Variants in FOXN1 observed in about 807,000 individuals in gnomAD.
FOXN1 encodes the protein forkhead box N1.
Under a neutral mutation model 49.0 loss-of-function variants are expected in FOXN1, and 15 were observed. The observed-to-expected ratio is 0.31, with a 90% CI of 0.20 to 0.47. The LOEUF (loss-of-function observed/expected upper bound fraction) is 0.47. Among genes scored for constraint, FOXN1 ranks in the 20% least tolerant of loss-of-function variants. The pLI is 1.00. For missense variants in FOXN1, 800 were observed against 842.8 expected (o/e 0.95, Z 0.63); for synonymous variants, 356 against 369.0 (o/e 0.96, Z 0.40).
rs1327528369 is a variant in FOXN1 at position 28,530,902 on chromosome 17, T to C, written c.927+57T>C. 5.1e-6 allele frequency: 5 copies of C among 974,638 alleles called. No individual in the cohort carries two copies. In the Admixed American group the frequency reaches 6.8e-5, roughly 13 times the overall value. The allele number at this position is 974,638 out of a possible 1,614,324, so 60.4% of individuals were successfully genotyped here. On this transcript the variant is annotated intron_variant, in intron 6 of 8. Coordinates refer to ENST00000579795, the MANE Select transcript of FOXN1 (RefSeq NM_001369369.1). ...CCCCAAGTCCTGGACAGGCCAGGCC[T>C]CTCTGAGCAGAGGCTTCTGTCTGGA...
intron 1 of FOXN1, among the ~76,000 whole-genome samples, chr17:28,508,373 G>A (rs2069311312): frequency 6.6e-6 from 1 of 152,210 alleles, no homozygotes; most frequent in East Asian, 1.9e-4. Context: ...AAGACAAGGG[G>A]GAAAGCCCAC....
chr17:28,508,080 C>G (rs1297501865), intron 1 of FOXN1, among the ~76,000 whole-genome samples: 1 of 152,168 alleles, frequency 6.6e-6, no homozygotes, highest in Non-Finnish European at 1.5e-5. Context: ...TGCCGAGGCA[C>G]GCTGCACCCC....
intron 1 of FOXN1, among the ~76,000 whole-genome samples, chr17:28,510,835 A>C (rs2069380587): frequency 6.6e-6 from 1 of 152,196 alleles, no homozygotes; most frequent in Non-Finnish European, 1.5e-5. Flanking sequence ...CAATCTGCCT[A>C]AAGTGGGAAG....
chr17:28,526,418 A>G (rs1214545666), intron 3 of FOXN1, among the ~76,000 whole-genome samples: 2 of 152,200 alleles, frequency 1.3e-5, no homozygotes, highest in Non-Finnish European at 2.9e-5. Flanking sequence ...CAGGAAGTGC[A>G]ATCCGCCTCC....
rs770510635 is a variant in FOXN1, at chr17:28,534,850, C to T, written c.1279C>T (p.His427Tyr). The T allele has an allele frequency of 5.0e-6, 8 of 1,613,912 alleles. No individual in the cohort carries two copies. The African/African-American group carries it at 5.3e-5, about 11-fold the overall frequency. ...AGLSPPLHSL[H>Y]PAPGPIPGKN... ...CCTCTCCCCACCACTGCACTCACTCCACCCAGCTCCAGGCCCCATTCCTGG... is the reference window on the plus strand; with the variant it reads ...CCTCTCCCCACCACTGCACTCACTCTACCCAGCTCCAGGCCCCATTCCTGG... Residue 427 changes from histidine to tyrosine, a missense_variant, in exon 8 of 9, where the codon CAC (histidine) becomes TAC (tyrosine). Coordinates refer to ENST00000579795, the MANE Select transcript of FOXN1 (RefSeq NM_001369369.1). This position sits in a 1 kb window ranked among gnomAD's most constrained non-coding sequence, Gnocchi z 4.1.
At chr17:28,529,353 G>A (rs2151492219) in intron 5 of FOXN1, 129 bp downstream of exon 5, 7 of 1,145,882 alleles carry the variant, frequency 6.1e-6, no homozygotes, top group South Asian at 3.8e-5. Context: ...TGGGCTTCCA[G>A]AAGATGCTGG....
intron 5 of FOXN1, among the ~76,000 whole-genome samples, 183 bp from the exon 6 acceptor site, chr17:28,530,566 G>A (rs1292656193): frequency 6.6e-6 from 1 of 152,234 alleles, no homozygotes. Context: ...AGGTTTCTCA[G>A]ATTCCACAAG....
chr17:28,512,457 AC>A (rs1555607154), intron 1 of FOXN1, among the ~76,000 whole-genome samples: 3 of 152,156 alleles, frequency 2.0e-5, no homozygotes, highest in Non-Finnish European at 4.4e-5. Context: ...GCCAGTTCTC[AC>A]CATCAGACTC....
Position 28,534,833 on chromosome 17 carries a change from C to T in FOXN1, c.1262C>T (p.Pro421Leu), listed in dbSNP as rs747637565. The change falls in exon 8 of 9, where the codon CCA becomes CTA. Residue 421 changes from proline to leucine, a missense_variant. Transcript: ENST00000579795. This position sits in a 1 kb window ranked among gnomAD's most constrained non-coding sequence, Gnocchi z 4.1. ...CTGGCACCCCCAGCTGGCCTCTCCC[C>T]ACCACTGCACTCACTCCACCCAGCT... is the stretch of plus-strand genomic sequence containing the variant. ...RPLAPPAGLS[P>L]PLHSLHPAPG... 2.8e-5 allele frequency: 45 copies of T among 1,613,850 alleles called. No homozygotes were observed. Among genetic ancestry groups the T allele is most frequent in the Non-Finnish European group, 3.6e-5 (43 of 1,179,840 alleles).
chr17:28,524,421 C>T, intron 2 of FOXN1, 82 bp from the exon 3 acceptor site: 4 of 1,243,144 alleles, frequency 3.2e-6, no homozygotes, highest in Non-Finnish European at 4.7e-6. Flanking sequence ...CCCCCTTTAC[C>T]CCAGAACAGA....
intron 4 of FOXN1, among the ~76,000 whole-genome samples, chr17:28,528,881 G>T (rs976526703): frequency 1.3e-5 from 2 of 152,232 alleles, no homozygotes; most frequent in Non-Finnish European, 1.5e-5. Flanking sequence ...GCTGGAGGAA[G>T]AGGGTTTTAA....
At position 28,524,711 on chromosome 17, in the gene FOXN1, G is replaced by A. The variant is rs772403336; in HGVS notation, c.332G>A (p.Ser111Asn). The A allele has an allele frequency of 9.9e-6, 16 of 1,612,510 alleles. No homozygotes were observed. In the Admixed American group the frequency reaches 2.7e-4, roughly 27 times the overall value. The change falls in exon 3 of 9, where the codon AGC becomes AAC. Residue 111 changes from serine (S) to asparagine (N), a missense_variant. Physicochemically the swap from Ser to Asn is conservative, Grantham distance 46 (BLOSUM62 1). Coordinates refer to ENST00000579795, the MANE Select transcript of FOXN1 (RefSeq NM_001369369.1). ...GFGFEEAAAS[S>N]PGRFLKGSHA... is the part of the protein sequence containing the mutation. Reference sequence around the variant, plus strand: ...GGCTTTGAGGAGGCCGCAGCAAGCAGCCCTGGGCGATTCCTCAAGGGCAGC... The same window carrying A: ...GGCTTTGAGGAGGCCGCAGCAAGCAACCCTGGGCGATTCCTCAAGGGCAGC...
At chr17:28,529,312 C>G (rs2069850153) in intron 5 of FOXN1, 88 bp downstream of exon 5, 1 of 1,493,002 alleles carries the variant, frequency 6.7e-7, no homozygotes, top group Admixed American at 1.7e-5. Flanking sequence ...CTGGGTCTAC[C>G]AGTAATGGCA....
At chr17:28,527,493 C>T in intron 4 of FOXN1, 132 bp downstream of exon 4, 1 of 695,192 alleles carries the variant, frequency 1.4e-6, no homozygotes, top group South Asian at 1.5e-5. Context: ...GGCCCTGAAC[C>T]TTAGGCTTGG....
intron 1 of FOXN1, among the ~76,000 whole-genome samples, chr17:28,522,937 C>T (rs2069670269): frequency 6.6e-6 from 1 of 152,166 alleles, no homozygotes; most frequent in Non-Finnish European, 1.5e-5. Context: ...GTGCTGAATG[C>T]TTTCTGCGCA....
chr17:28,524,833 C>T lies in FOXN1; in HGVS notation c.454C>T (p.Pro152Ser), dbSNP rs750250304. The change falls in exon 3 of 9, where the codon CCA (proline) becomes TCA (serine). Residue 152 changes from proline to serine, a missense_variant. Physicochemically the swap from Pro to Ser is moderately conservative, Grantham distance 74 (BLOSUM62 -1). Coordinates refer to ENST00000579795, the MANE Select transcript of FOXN1 (RefSeq NM_001369369.1). ...CCTCAAAGGACACTCCTTTAAGACC[C>T]CAGGGCCGCTGGAGGCCTTCGAGGA... ...LALKGHSFKT[P>S]GPLEAFEEIP... The T allele has an allele frequency of 6.2e-7, 1 of 1,613,774 alleles. No individual in the cohort carries two copies. The highest frequency in any genetic ancestry group is 8.5e-7 in the Non-Finnish European group (1 of 1,180,020).
At chr17:28,519,369 G>A (rs1422018406) in intron 1 of FOXN1, among the ~76,000 whole-genome samples, 1 of 151,948 alleles carries the variant, frequency 6.6e-6, no homozygotes. Context: ...AGAGTGCACT[G>A]CAGATGTGGA....
At chr17:28,517,750 G>A (rs2069552654) in intron 1 of FOXN1, among the ~76,000 whole-genome samples, 1 of 105,408 alleles carries the variant, frequency 9.5e-6, no homozygotes, top group Non-Finnish European at 1.9e-5. Context: ...CAGGGTACAT[G>A]CCTGCACTGG....
At chr17:28,513,387 T>C (rs1383718206) in intron 1 of FOXN1, among the ~76,000 whole-genome samples, 1 of 151,748 alleles carries the variant, frequency 6.6e-6, no homozygotes, top group Non-Finnish European at 1.5e-5. Flanking sequence ...ATAAAAATAC[T>C]TAAAATAAAA....
Sources: allele counts gnomAD v4.1 joint callset (sites outside exome capture counted in the v4.1 genomes callset), GRCh38; gene constraint gnomAD v4.1.1; non-coding constraint Gnocchi (gnomAD v3.1); transcripts MANE v1.5; gene names NCBI Gene and HGNC (gene_info 2026-07-23, HGNC 2026-07-21).